Variants in ZNF362 observed in about 807,000 individuals in gnomAD.
ZNF362 encodes the protein rotund homolog.
In ZNF362, 11 loss-of-function variants were observed where a neutral mutation model predicts 42.9. That is an observed-to-expected ratio of 0.26 (90% CI 0.16 to 0.42). The LOEUF is 0.42. Ranked by LOEUF, ZNF362 falls within the 20% of genes least tolerant of loss-of-function variation. The pLI is 1.00. For missense variants in ZNF362, 362 were observed against 576.2 expected (o/e 0.63, Z 3.81); for synonymous variants, 255 against 257.3 (o/e 0.99, Z 0.09).
chr1:33,218,378 C>G, the ZNF362 span, among the ~76,000 whole-genome samples: 10 of 152,158 alleles, frequency 6.6e-5, no homozygotes, highest in Non-Finnish European at 1.5e-4. Context: ...GAGGTCGAGG[C>G]TGCAGTGCCC....
chr1:33,181,266 G>T, the ZNF362 span: 1 of 1,547,920 alleles, frequency 6.5e-7, no homozygotes, highest in Non-Finnish European at 8.7e-7. The surrounding 1 kb of genome is among the most constrained non-coding windows in gnomAD (Gnocchi z 6.5). Flanking sequence ...CTCGGCGAAC[G>T]TGCGCCGGCA....
chr1:33,266,081 C>T lies in ZNF362; in HGVS notation c.-88-4406C>T, dbSNP rs968540943. Among the ~76,000 whole-genome samples the T allele has an allele frequency of 6.6e-6, 1 of 152,240 alleles. No individual in the cohort carries two copies. Among genetic ancestry groups the T allele is most frequent in the African/African-American group, 2.4e-5 (1 of 41,460 alleles). ...CTTCCCACAGTGAGATGAGTTCACC[C>T]TCCTGAGAATGCTGCCACTACCCTC... is the stretch of plus-strand genomic sequence containing the variant. On this transcript the variant is annotated intron_variant, in intron 1 of 8. Transcript: ENST00000539719. The surrounding 1 kb of genome is among the most constrained non-coding windows in gnomAD (Gnocchi z 4.3).
the ZNF362 span, among the ~76,000 whole-genome samples, chr1:33,211,059 G>A: frequency 0.019 from 2,883 of 151,446 alleles, 33 homozygotes; most frequent in Middle Eastern, 0.051. Flanking sequence ...TCAGCCTCCC[G>A]AGTAGCTGGG....
chr1:33,199,275 G>T, the ZNF362 span, among the ~76,000 whole-genome samples: 1 of 151,980 alleles, frequency 6.6e-6, no homozygotes, highest in Non-Finnish European at 1.5e-5. Flanking sequence ...CTTAAAAACC[G>T]CTAAAGGAAG....
chr1:33,298,618 C>T (rs145835376), intron 8 of ZNF362, among the ~76,000 whole-genome samples: 2 of 152,360 alleles, frequency 1.3e-5, no homozygotes, highest in East Asian at 1.9e-4. Context: ...AGTGCTTCAC[C>T]TGGCAGACAG....
At chr1:33,234,623 C>T in the ZNF362 span, among the ~76,000 whole-genome samples, 5 of 152,112 alleles carry the variant, frequency 3.3e-5, no homozygotes, top group Non-Finnish European at 5.9e-5. Flanking sequence ...GCTGCCTTCC[C>T]GTTGAGCGAG....
the ZNF362 span, among the ~76,000 whole-genome samples, chr1:33,174,460 A>G: frequency 6.6e-6 from 1 of 152,144 alleles, no homozygotes; most frequent in Non-Finnish European, 1.5e-5. Context: ...CTGGAGTTAC[A>G]GGTGTGAGCT....
At position 33,294,030 on chromosome 1, in the gene ZNF362, G is replaced by A. The variant is rs115176826; in HGVS notation, c.909-907G>A. Among the ~76,000 whole-genome samples the A allele has an allele frequency of 5.0e-4, 76 of 152,210 alleles. No homozygotes were observed. Among genetic ancestry groups the A allele is most frequent in the Admixed American group, 4.1e-3 (62 of 15,294 alleles). ...TCTACATGTGATTTACTTATTTCAC[G>A]CTTGTTGCTTATTTCCTCCAGGCAG... On this transcript the variant is annotated intron_variant, in intron 6 of 8. Coordinates refer to ENST00000539719, the MANE Select transcript of ZNF362 (RefSeq NM_152493.3). The surrounding 1 kb of genome is among the most constrained non-coding windows in gnomAD (Gnocchi z 4.2).
At chr1:33,267,153 TGGGGTTTGG>T (rs968566714) in intron 1 of ZNF362, among the ~76,000 whole-genome samples, 2 of 152,168 alleles carry the variant, frequency 1.3e-5, no homozygotes, top group South Asian at 2.1e-4. Flanking sequence ...GGCCTTAGGC[TGGGGTTTGG>T]GGTGTCTTGC....
the ZNF362 span, among the ~76,000 whole-genome samples, chr1:33,243,517 G>T: frequency 2.9e-3 from 434 of 152,068 alleles, 1 homozygote; most frequent in African/African-American, 9.9e-3. Context: ...TGTTTGGAGG[G>T]AATACATCAA....
intron 1 of ZNF362, among the ~76,000 whole-genome samples, chr1:33,267,638 T>C (rs5013771): frequency 0.98 from 149,533 of 152,290 alleles, 73,463 homozygotes; most frequent in Middle Eastern, 1. Context: ...CCTGATCTCT[T>C]TGTGCCTTCA....
chr1:33,233,406 CTTT>C, the ZNF362 span, among the ~76,000 whole-genome samples: 1 of 144,496 alleles, frequency 6.9e-6, no homozygotes, highest in Non-Finnish European at 1.5e-5. Flanking sequence ...CCTTCTCACA[CTTT>C]TTTTTTTTTT....
At chr1:33,273,978 C>A (rs1262684259) in intron 2 of ZNF362, among the ~76,000 whole-genome samples, 1 of 152,166 alleles carries the variant, frequency 6.6e-6, no homozygotes, top group East Asian at 1.9e-4. Flanking sequence ...CAGGTGTATC[C>A]AATTCTCAAG....
the ZNF362 span, among the ~76,000 whole-genome samples, chr1:33,135,546 T>C: frequency 6.6e-6 from 1 of 152,290 alleles, no homozygotes; most frequent in East Asian, 2.0e-4. Flanking sequence ...GCCCTCAGGA[T>C]GGCCCACAGC....
the ZNF362 span, chr1:33,147,188 C>T: frequency 4.5e-3 from 7,258 of 1,613,478 alleles, 264 homozygotes; most frequent in African/African-American, 0.081. This position sits in a 1 kb window ranked among gnomAD's most constrained non-coding sequence, Gnocchi z 8.1. Context: ...TAGATGCGGA[C>T]GGTGTTGATC....
At chr1:33,236,550 A>AAAAAATATATATATATATATATATATAT in the ZNF362 span, among the ~76,000 whole-genome samples, 1 of 5,980 alleles carries the variant, frequency 1.7e-4, no homozygotes, top group Non-Finnish European at 3.7e-4. Context: ...AAAAAAAAAA[A>AAAAAATATATATATATATATATATATAT]ATATATATAT....
the ZNF362 span, among the ~76,000 whole-genome samples, chr1:33,213,573 G>A: frequency 1.3e-5 from 2 of 152,084 alleles, no homozygotes; most frequent in Non-Finnish European, 2.9e-5. Context: ...GAGGCCAGGC[G>A]TGTTGGCTCA....
chr1:33,172,959 C>T, the ZNF362 span, among the ~76,000 whole-genome samples: 3 of 152,210 alleles, frequency 2.0e-5, no homozygotes, highest in Non-Finnish European at 2.9e-5. Flanking sequence ...ACCTATGACA[C>T]GGCCCAGCAT....
At chr1:33,140,279 T>C in the ZNF362 span, among the ~76,000 whole-genome samples, 1 of 152,314 alleles carries the variant, frequency 6.6e-6, no homozygotes, top group Non-Finnish European at 1.5e-5. The surrounding 1 kb of genome is among the most constrained non-coding windows in gnomAD (Gnocchi z 4.0). Flanking sequence ...TTTACCCAGG[T>C]CTCGACTCAC....
Sources: gnomAD v4.1 joint callset for allele counts (sites outside exome capture counted in the v4.1 genomes callset) on GRCh38, gnomAD v4.1.1 for gene constraint, Gnocchi (gnomAD v3.1) non-coding constraint, MANE v1.5 for transcripts, NCBI Gene and HGNC (gene_info 2026-07-23, HGNC 2026-07-21) for gene names.